PTPRS: variants seen among roughly 807,000 people sequenced by gnomAD.
PTPRS encodes the protein protein tyrosine phosphatase receptor type S, also known as receptor-type tyrosine-protein phosphatase S.
PTPRS carries 63 observed loss-of-function variants against 215.3 expected under a neutral mutation model. The ratio of observed to expected loss-of-function variants is 0.29; its 90% CI spans 0.24 to 0.36. PTPRS has a LOEUF of 0.36. Among genes scored for constraint, PTPRS ranks in the 10% least tolerant of loss-of-function variants. The probability of loss-of-function intolerance (pLI) is 1.00; values close to 1 mark genes in which losing one functional copy is unlikely to be tolerated. For missense variants in PTPRS, 2,258 were observed against 2,825.8 expected, an observed-to-expected ratio of 0.80 and a Z score of 4.56; for synonymous variants, 1,404 against 1,191.4, an observed-to-expected ratio of 1.18 and a Z score of -3.68.
rs1007858693 is a variant in PTPRS, at chr19:5,287,406, C to T, written c.-94-1172G>A. 6.6e-6 allele frequency among the ~76,000 whole-genome samples: 1 copy of T among 152,186 alleles called. No homozygotes were observed. Among genetic ancestry groups the T allele is most frequent in the Admixed American group, 6.5e-5 (1 of 15,284 alleles). On this transcript the variant is annotated intron_variant, in intron 1 of 37. Coordinates refer to ENST00000262963, the MANE Select transcript of PTPRS (RefSeq NM_002850.4). The surrounding 1 kb of genome is among the most constrained non-coding windows in gnomAD (Gnocchi z 4.8). Reference sequence around the variant, plus strand: ...TCTCCCACAAGAACCTCAACTCCTCCAGGGCAGAAGGGTCCCTCGTCACAT... The same window carrying T: ...TCTCCCACAAGAACCTCAACTCCTCTAGGGCAGAAGGGTCCCTCGTCACAT...
At chr19:5,273,411 T>C (rs767976163) in intron 4 of PTPRS, 31 bp downstream of exon 4, 1 of 1,613,940 alleles carries the variant, frequency 6.2e-7, no homozygotes, top group Non-Finnish European at 8.5e-7. Context: ...GGGCCCAGTT[T>C]ATCCTCCGCC....
At chr19:5,290,317 C>T (rs954610906) in intron 1 of PTPRS, among the ~76,000 whole-genome samples, 9 of 152,204 alleles carry the variant, frequency 5.9e-5, no homozygotes, top group Admixed American at 2.6e-4. Context: ...CTAGAGCCCA[C>T]GTTTAATCTT....
chr19:5,272,595 C>A (rs1228267787), intron 4 of PTPRS, among the ~76,000 whole-genome samples: 2 of 73,396 alleles, frequency 2.7e-5, no homozygotes, highest in African/African-American at 4.8e-5. Context: ...AAGACTGTCT[C>A]AAAAAAAAAA....
intron 11 of PTPRS, among the ~76,000 whole-genome samples, chr19:5,242,439 A>T (rs1345294664): frequency 6.9e-6 from 1 of 145,746 alleles, no homozygotes; most frequent in Admixed American, 6.9e-5. Flanking sequence ...GGCAGTGGTG[A>T]CATTTTGGCT....
chr19:5,307,869 G>A (rs2049550599), intron 1 of PTPRS, among the ~76,000 whole-genome samples: 1 of 152,186 alleles, frequency 6.6e-6, no homozygotes, highest in African/African-American at 2.4e-5. Flanking sequence ...AAGCTTTATT[G>A]GCACATAGCC....
chr19:5,333,113 C>T (rs189764859), intron 1 of PTPRS, among the ~76,000 whole-genome samples: 7 of 151,980 alleles, frequency 4.6e-5, no homozygotes, highest in African/African-American at 1.4e-4. Context: ...CACGCCGTTG[C>T]ACTCCAGCCT....
At chr19:5,225,584 G>A (rs1374145824) in intron 17 of PTPRS, 143 bp downstream of exon 17, 4 of 734,326 alleles carry the variant, frequency 5.4e-6, no homozygotes, top group Non-Finnish European at 9.4e-6. Flanking sequence ...CACCTGAGCA[G>A]CCCTCACACC....
rs1491502602 is a variant in PTPRS at position 5,228,345 on chromosome 19, G to GAAAAAAAAAAAAAAAAAAAAAAAA, written c.2376+970_2376+971insTTTTTTTTTTTTTTTTTTTTTTTT. ...GGGCGATAGTGTGAGACTCCGTCTG[G>GAAAAAAAAAAAAAAAAAAAAAAAA]AGAAAAAAAAAAAAAAAAGAGACAG... On this transcript the variant is annotated intron_variant, in intron 16 of 37. Transcript: ENST00000262963. Among the ~76,000 whole-genome samples the GAAAAAAAAAAAAAAAAAAAAAAAA allele has an allele frequency of 9.0e-5, 3 of 33,266 alleles. 1 individual carries two copies. The highest frequency in any genetic ancestry group is 2.9e-4 in the African/African-American group (3 of 10,514). 21.8% of individuals were successfully genotyped at this position (33,266 alleles called of 152,430 possible). A position where few individuals can be genotyped will look rare whatever the true frequency, so the allele number is the denominator to read the frequency against.
rs761728548 is a variant in PTPRS, at chr19:5,222,223, GC to G, written c.3104-4del. ...CACCTTGAAGTTCTTGGGCGAGACTGCCGGGGAGGCGGCCGAGCAGGGAGAG... is the reference window on the plus strand; with the variant it reads ...CACCTTGAAGTTCTTGGGCGAGACTGCGGGGAGGCGGCCGAGCAGGGAGAG... On this transcript the variant is annotated splice_polypyrimidine_tract_variant and splice_region_variant and intron_variant, in intron 18 of 37. Coordinates refer to ENST00000262963, the MANE Select transcript of PTPRS (RefSeq NM_002850.4). 1 of 1,612,504 alleles carries G rather than the reference GC, an allele frequency of 6.2e-7. No individual in the cohort carries two copies. The highest frequency in any genetic ancestry group is 8.5e-7 in the Non-Finnish European group (1 of 1,179,012).
At chr19:5,259,477 A>C in intron 7 of PTPRS, among the ~76,000 whole-genome samples, 1 of 152,230 alleles carries the variant, frequency 6.6e-6, no homozygotes, top group East Asian at 1.9e-4. Flanking sequence ...GAAGCTGAGT[A>C]TATCTGAAAT....
chr19:5,261,380 G>A (rs2045980637), intron 6 of PTPRS, among the ~76,000 whole-genome samples: 1 of 152,170 alleles, frequency 6.6e-6, no homozygotes, highest in Non-Finnish European at 1.5e-5. Context: ...AGGCCGAGTA[G>A]GAGGGACAGG....
intron 4 of PTPRS, among the ~76,000 whole-genome samples, chr19:5,265,912 C>A (rs1223913522): frequency 6.6e-6 from 1 of 152,044 alleles, no homozygotes; most frequent in East Asian, 1.9e-4. Context: ...TTTACAGCAG[C>A]CTGAGGACGC....
intron 1 of PTPRS, among the ~76,000 whole-genome samples, chr19:5,297,337 A>G (rs1287054480): frequency 6.6e-6 from 1 of 152,200 alleles, no homozygotes; most frequent in African/African-American, 2.4e-5. Context: ...AGAAAATAAA[A>G]GTTACCCACA....
In PTPRS at chr19:5,287,461, A is replaced by C. The variant is rs958106274; in HGVS notation, c.-94-1227T>G. On this transcript the variant is annotated intron_variant, in intron 1 of 37. Transcript: ENST00000262963. The surrounding 1 kb of genome is among the most constrained non-coding windows in gnomAD (Gnocchi z 4.8). ...TGAACCCTGGAATGGCCCCCTCCCCATCTCCCCAATCTCCACTCTGTCCAG... is the reference window on the plus strand; with the variant it reads ...TGAACCCTGGAATGGCCCCCTCCCCCTCTCCCCAATCTCCACTCTGTCCAG... 4.6e-5 allele frequency among the ~76,000 whole-genome samples: 7 copies of C among 151,980 alleles called. No individual in the cohort carries two copies.
intron 13 of PTPRS, among the ~76,000 whole-genome samples, chr19:5,238,374 C>T (rs1599603499): frequency 6.6e-6 from 1 of 152,274 alleles, no homozygotes. Context: ...TCCGATTCCA[C>T]CCCCTCCCCA....
At chr19:5,254,626 C>A (rs1417298911) in intron 9 of PTPRS, among the ~76,000 whole-genome samples, 1 of 152,040 alleles carries the variant, frequency 6.6e-6, no homozygotes, top group African/African-American at 2.4e-5. Flanking sequence ...TCCAAGGTTC[C>A]CCTGGGCTTT....
chr19:5,232,370 C>T (rs2043089912), intron 13 of PTPRS, among the ~76,000 whole-genome samples: 1 of 150,152 alleles, frequency 6.7e-6, no homozygotes, highest in Admixed American at 6.6e-5. Flanking sequence ...AGGGGAATGG[C>T]AGCAGAAGCT....
At chr19:5,305,970 A>AAAAAAAG (rs2049479386) in intron 1 of PTPRS, among the ~76,000 whole-genome samples, 4 of 140,326 alleles carry the variant, frequency 2.9e-5, no homozygotes, top group Non-Finnish European at 4.7e-5. Context: ...AAAAAAAAAA[A>AAAAAAAG]GGGCGAATTC....
chr19:5,324,777 C>T (rs900347041), intron 1 of PTPRS, among the ~76,000 whole-genome samples: 3 of 152,166 alleles, frequency 2.0e-5, no homozygotes, highest in African/African-American at 4.8e-5. Flanking sequence ...AACAGGACCA[C>T]GAGGCACTCA....
Sources: allele counts gnomAD v4.1 joint callset (sites outside exome capture counted in the v4.1 genomes callset), GRCh38; gene constraint gnomAD v4.1.1; non-coding constraint Gnocchi (gnomAD v3.1); transcripts MANE v1.5; gene names NCBI Gene and HGNC (gene_info 2026-07-23, HGNC 2026-07-21).